Variants in TDRD10 observed in about 807,000 individuals in gnomAD.
TDRD10 encodes the protein tudor domain-containing protein 10.
In TDRD10, 40 loss-of-function variants were observed where a neutral mutation model predicts 48.0. The observed-to-expected ratio is 0.83, with a 90% confidence interval of 0.65 to 1.09. The LOEUF is 1.09. Ranked by LOEUF, TDRD10 falls within the 50% of genes least tolerant of loss-of-function variation. The probability of loss-of-function intolerance (pLI) is 0.00; values close to 1 mark genes in which losing one functional copy is unlikely to be tolerated. For missense variants in TDRD10, 378 were observed against 434.7 expected, an observed-to-expected ratio of 0.87 and a Z score of 1.16; for synonymous variants, 162 against 170.4, an observed-to-expected ratio of 0.95 and a Z score of 0.38.
At chr1:154,514,176 C>T (rs1267220840) in intron 4 of TDRD10, among the ~76,000 whole-genome samples, 2 of 152,070 alleles carry the variant, frequency 1.3e-5, no homozygotes, top group Non-Finnish European at 2.9e-5. Context: ...GGTGACAAAG[C>T]AAGACTCTGT....
intron 6 of TDRD10, among the ~76,000 whole-genome samples, chr1:154,528,400 G>A (rs930470256): frequency 1.3e-5 from 2 of 150,752 alleles, no homozygotes; most frequent in African/African-American, 2.4e-5. Context: ...ATTTTTTTGT[G>A]TTTTTACTAG....
chr1:154,512,030 A>G (rs1041755498), intron 4 of TDRD10, among the ~76,000 whole-genome samples: 1 of 29,264 alleles, frequency 3.4e-5, no homozygotes, highest in African/African-American at 4.3e-5. Flanking sequence ...ACTGTGTCTG[A>G]AAAAAAAAAA....
intron 4 of TDRD10, among the ~76,000 whole-genome samples, chr1:154,516,703 T>G (rs1178764612): frequency 6.6e-6 from 1 of 152,160 alleles, no homozygotes; most frequent in Non-Finnish European, 1.5e-5. Context: ...TCCCAGCCCT[T>G]TGGGAGGCCC....
At chr1:154,526,479 C>T (rs556919286) in intron 6 of TDRD10, among the ~76,000 whole-genome samples, 8 of 148,000 alleles carry the variant, frequency 5.4e-5, no homozygotes, top group East Asian at 2.0e-4. Context: ...AGTGCAGAGG[C>T]GCGATCTGAG....
At chr1:154,520,100 C>A (rs1363921319) in intron 4 of TDRD10, among the ~76,000 whole-genome samples, 1 of 152,184 alleles carries the variant, frequency 6.6e-6, no homozygotes, top group African/African-American at 2.4e-5. Flanking sequence ...GTCTGCATCG[C>A]TGCTTGGCTG....
intron 4 of TDRD10, among the ~76,000 whole-genome samples, chr1:154,514,863 T>TTTATTTAC (rs1362662467): frequency 2.7e-5 from 4 of 150,612 alleles, no homozygotes; most frequent in Non-Finnish European, 5.9e-5. Flanking sequence ...TATTTATTTA[T>TTTATTTAC]TTATTTATTT....
At chr1:154,547,292 G>A in intron 11 of TDRD10, 117 bp from the exon 12 acceptor site, 1 of 962,544 alleles carries the variant, frequency 1.0e-6, no homozygotes, top group Non-Finnish European at 1.6e-6. Flanking sequence ...CTTGCTGGTT[G>A]GAGCTGGTTG....
In TDRD10 at chr1:154,509,908, C is replaced by A. The variant is rs938467741; in HGVS notation, c.141+1427C>A. The A allele has an allele frequency of 3.1e-6, 3 of 976,640 alleles. No homozygotes were observed. The African/African-American group carries it at 5.3e-5, about 17-fold the overall frequency. 60.5% of individuals were successfully genotyped at this position (976,640 alleles called of 1,614,324 possible). On this transcript the variant is annotated intron_variant, in intron 4 of 12. Transcript: ENST00000368482. ...GCAGTTCTGCCACCTCTCTCTTCCCCCCTCCCCAGTAGACCCCATTCCAGA... is the reference window on the plus strand; with the variant it reads ...GCAGTTCTGCCACCTCTCTCTTCCCACCTCCCCAGTAGACCCCATTCCAGA...
chr1:154,541,090 G>T (rs1268490230), intron 6 of TDRD10, among the ~76,000 whole-genome samples: 1 of 152,184 alleles, frequency 6.6e-6, no homozygotes, highest in Non-Finnish European at 1.5e-5. Flanking sequence ...ACAGAAGCAG[G>T]AATTGGGGGA....
At chr1:154,518,798 G>A (rs1465185058) in intron 4 of TDRD10, among the ~76,000 whole-genome samples, 2 of 152,186 alleles carry the variant, frequency 1.3e-5, no homozygotes, top group African/African-American at 4.8e-5. Flanking sequence ...ATGAGTGAAT[G>A]GATGTGCATG....
chr1:154,545,584 T>C (rs965365140), intron 11 of TDRD10, among the ~76,000 whole-genome samples: 1 of 152,086 alleles, frequency 6.6e-6, no homozygotes, highest in South Asian at 2.1e-4. Context: ...AAAATTTCTT[T>C]TTTTTTCAGA....
chr1:154,544,742 G>A (rs1695455716), intron 10 of TDRD10, 53 bp from the exon 11 acceptor site: 4 of 1,593,556 alleles, frequency 2.5e-6, no homozygotes, highest in Non-Finnish European at 3.4e-6. Flanking sequence ...GGACTGCTGT[G>A]CATGGCACTA....
intron 4 of TDRD10, among the ~76,000 whole-genome samples, chr1:154,517,580 G>A (rs920842790): frequency 5.9e-5 from 9 of 152,114 alleles, no homozygotes; most frequent in Admixed American, 3.9e-4. Flanking sequence ...CCGCCACCAC[G>A]CCTGGCTAAT....
chr1:154,518,784 A>G (rs936550147), intron 4 of TDRD10, among the ~76,000 whole-genome samples: 5 of 152,220 alleles, frequency 3.3e-5, no homozygotes, highest in African/African-American at 1.2e-4. Context: ...AGCAGCTGTA[A>G]ACAATGAGTG....
chr1:154,546,500 T>C (rs1695594068), intron 11 of TDRD10, among the ~76,000 whole-genome samples: 1 of 148,662 alleles, frequency 6.7e-6, no homozygotes, highest in African/African-American at 2.5e-5. Context: ...ATATATAATA[T>C]ATATATTTAA....
At chr1:154,515,968 C>T (rs968333534) in intron 4 of TDRD10, among the ~76,000 whole-genome samples, 11 of 152,146 alleles carry the variant, frequency 7.2e-5, no homozygotes, top group African/African-American at 2.2e-4. Context: ...CTGCCTGCCT[C>T]GGCCTCCAGA....
At chr1:154,532,078 G>T (rs928083898) in intron 6 of TDRD10, among the ~76,000 whole-genome samples, 1 of 152,236 alleles carries the variant, frequency 6.6e-6, no homozygotes, top group East Asian at 1.9e-4. Flanking sequence ...CCAGGCGGGT[G>T]CTGTGCGCCC....
chr1:154,511,312 C>T (rs1249522376), intron 4 of TDRD10, among the ~76,000 whole-genome samples: 1 of 151,104 alleles, frequency 6.6e-6, no homozygotes, highest in African/African-American at 2.4e-5. Flanking sequence ...CACCATGTTG[C>T]CCAGTCTGGA....
chr1:154,513,447 G>T (rs1195696898), intron 4 of TDRD10, among the ~76,000 whole-genome samples: 1 of 152,178 alleles, frequency 6.6e-6, no homozygotes, highest in Non-Finnish European at 1.5e-5. Flanking sequence ...GATAGAATTA[G>T]AAAATGACCA....
Sources: gnomAD v4.1 joint callset for allele counts (sites outside exome capture counted in the v4.1 genomes callset) on GRCh38, gnomAD v4.1.1 for gene constraint, MANE v1.5 for transcripts, NCBI Gene and HGNC (gene_info 2026-07-23, HGNC 2026-07-21) for gene names.